CDH11: variants seen among roughly 807,000 people sequenced by gnomAD.
CDH11 encodes cadherin-11.
In CDH11, 11 loss-of-function variants were observed where a neutral mutation model predicts 67.8. The ratio of observed to expected loss-of-function variants is 0.16; its 90% confidence interval spans 0.10 to 0.27. The LOEUF (loss-of-function observed/expected upper bound fraction) is 0.27. Ranked by LOEUF, CDH11 falls within the 10% of genes least tolerant of loss-of-function variation. CDH11 has a pLI of 1.00. For synonymous variants in CDH11, 419 were observed against 400.0 expected (o/e 1.05, Z -0.57); for missense variants, 847 against 1,031.2 (o/e 0.82, Z 2.45).
Position 64,947,632 on chromosome 16 carries a change from A to G in CDH11, c.2362T>C (p.Ser788Pro). Reference sequence around the variant, plus strand: ...GAATCGTCATCAAAAGTGTCTTTGGAACCATACAAATCTGCTAGTTTCTTA... The same window carrying G: ...GAATCGTCATCAAAAGTGTCTTTGGGACCATACAAATCTGCTAGTTTCTTA... ...RFKKLADLYG[S>P]KDTFDDDS The change falls in exon 13 of 13, where the codon TCC becomes CCC. Residue 788 changes from serine to proline, a missense_variant. Transcript: ENST00000268603. The G allele has an allele frequency of 3.7e-6, 6 of 1,613,574 alleles. No homozygotes were observed. Among genetic ancestry groups the G allele is most frequent in the Non-Finnish European group, 5.1e-6 (6 of 1,179,574 alleles).
chr16:65,049,734 T>A (rs1490198378), intron 2 of CDH11, among the ~76,000 whole-genome samples: 1 of 152,158 alleles, frequency 6.6e-6, no homozygotes, highest in East Asian at 1.9e-4. Context: ...GTGATGACAG[T>A]CACATTGTAC....
chr16:65,098,228 T>TA (rs2074932719), intron 1 of CDH11, among the ~76,000 whole-genome samples: 1 of 152,190 alleles, frequency 6.6e-6, no homozygotes, highest in Admixed American at 6.5e-5. Context: ...AACCTCATAT[T>TA]GCTACCACAT....
At chr16:65,071,172 A>G (rs993743010) in intron 1 of CDH11, among the ~76,000 whole-genome samples, 3 of 152,192 alleles carry the variant, frequency 2.0e-5, no homozygotes, top group African/African-American at 7.2e-5. Flanking sequence ...CTCAAGAGAA[A>G]GTGGTCCCAG....
chr16:64,989,450 G>C (rs1597060120), intron 6 of CDH11, among the ~76,000 whole-genome samples: 1 of 152,268 alleles, frequency 6.6e-6, no homozygotes, highest in East Asian at 1.9e-4. Flanking sequence ...ACATTCTTTA[G>C]AAAAAGGAAT....
Position 64,950,861 on chromosome 16 carries a change from T to G in CDH11, c.1800A>C (p.Ala600=). Residue 600 remains alanine, a synonymous_variant, in exon 12 of 13, where the codon GCA becomes GCC. Transcript: ENST00000268603. Reference sequence around the variant, plus strand: ...AGGCCTCTGCGTTGCAGGAGAGCAGTGCCCCGTTCACGTCGCACCCGCAGA... The same window carrying G: ...AGGCCTCTGCGTTGCAGGAGAGCAGGGCCCCGTTCACGTCGCACCCGCAGA... The part of the protein sequence containing the change: ...IKVCGCDVNG[A]LLSCNAEAYI... 6.2e-7 allele frequency: 1 copy of G among 1,614,206 alleles called. No individual in the cohort carries two copies. The highest frequency in any genetic ancestry group is 8.5e-7 in the Non-Finnish European group (1 of 1,180,034).
chr16:65,019,592 G>C (rs1043601672), intron 2 of CDH11, among the ~76,000 whole-genome samples: 1 of 151,840 alleles, frequency 6.6e-6, no homozygotes, highest in African/African-American at 2.4e-5. Context: ...AGTTTAATTC[G>C]TTTGACCATA....
chr16:65,005,568 G>T (rs2142531512), intron 2 of CDH11, among the ~76,000 whole-genome samples: 1 of 152,296 alleles, frequency 6.6e-6, no homozygotes, highest in East Asian at 1.9e-4. Flanking sequence ...AACGAAGAAG[G>T]CGGGCAGGCA....
intron 1 of CDH11, among the ~76,000 whole-genome samples, chr16:65,064,441 G>C (rs2074281824): frequency 6.6e-6 from 1 of 152,170 alleles, no homozygotes; most frequent in Admixed American, 6.5e-5. Context: ...TACCATCAGG[G>C]TTCTGTTACA....
At chr16:64,988,538 G>T (rs1051416010) in intron 6 of CDH11, among the ~76,000 whole-genome samples, 194 bp from the exon 7 acceptor site, 2 of 152,148 alleles carry the variant, frequency 1.3e-5, no homozygotes, top group Non-Finnish European at 2.9e-5. Context: ...TGTGTTCTAC[G>T]AAGGGTGATA....
chr16:65,025,236 AT>A (rs2073508337), intron 2 of CDH11, among the ~76,000 whole-genome samples: 1 of 152,206 alleles, frequency 6.6e-6, no homozygotes, highest in African/African-American at 2.4e-5. Flanking sequence ...GAGATAACAA[AT>A]GGGGAAACCC....
chr16:64,947,750 C>T lies in CDH11; in HGVS notation c.2244G>A (p.Arg748=). 1 of 1,614,176 alleles carries T rather than the reference C, an allele frequency of 6.2e-7. No individual in the cohort carries two copies. ...DSIQIYGYEG[R]GSVAGSLSSL... ...AGCTCAGGGACCCGGCCACTGAGCC[C>T]CTGCCTTCATAACCGTAGATTTGAA... Residue 748 remains arginine (R), a synonymous_variant, in exon 13 of 13, where the codon AGG becomes AGA. Coordinates refer to ENST00000268603, the MANE Select transcript of CDH11 (RefSeq NM_001797.4).
chr16:65,116,336 G>C (rs953644639), intron 1 of CDH11, among the ~76,000 whole-genome samples: 5 of 152,294 alleles, frequency 3.3e-5, no homozygotes, highest in African/African-American at 1.2e-4. Context: ...GCTGAAATGA[G>C]ATCTCTACGT....
At chr16:65,123,017 T>C (rs1364073195), upstream of CDH11, among the ~76,000 whole-genome samples, 2 of 152,206 alleles carry the variant, frequency 1.3e-5, no homozygotes, top group Non-Finnish European at 2.9e-5. Flanking sequence ...CTTCCTCCGC[T>C]GTTCCCCTCA....
At chr16:64,948,881 A>G in intron 12 of CDH11, 1 of 886,602 alleles carries the variant, frequency 1.1e-6, no homozygotes, top group Non-Finnish European at 1.7e-6. Context: ...CTTCTACAAT[A>G]TTCCATTAGA....
At chr16:65,044,053 T>A (rs142747576) in intron 2 of CDH11, among the ~76,000 whole-genome samples, 21 of 152,194 alleles carry the variant, frequency 1.4e-4, no homozygotes, top group African/African-American at 4.8e-4. Context: ...GAGGAGAGGA[T>A]CTTGTCCCTT....
chr16:65,065,143 C>G (rs1049743287), intron 1 of CDH11, among the ~76,000 whole-genome samples: 1 of 152,156 alleles, frequency 6.6e-6, no homozygotes, highest in Non-Finnish European at 1.5e-5. Context: ...AATGCCAGTT[C>G]CGACATGGTG....
intron 6 of CDH11, among the ~76,000 whole-genome samples, chr16:64,990,997 T>C (rs2072615918): frequency 6.6e-6 from 1 of 152,170 alleles, no homozygotes; most frequent in African/African-American, 2.4e-5. Context: ...AGGTCTTCCA[T>C]TGAAAGGTGG....
At chr16:65,051,162 T>C (rs552888251) in intron 2 of CDH11, among the ~76,000 whole-genome samples, 2 of 152,270 alleles carry the variant, frequency 1.3e-5, no homozygotes, top group Non-Finnish European at 2.9e-5. Flanking sequence ...GCTTCTAGGA[T>C]AAGCGTTTTC....
chr16:64,948,342 T>C (rs2071249724), intron 12 of CDH11, among the ~76,000 whole-genome samples: 1 of 152,150 alleles, frequency 6.6e-6, no homozygotes, highest in Non-Finnish European at 1.5e-5. Context: ...TTGGGACAAT[T>C]TTGAACTTTT....
Sources: allele counts gnomAD v4.1 joint callset (sites outside exome capture counted in the v4.1 genomes callset), GRCh38; gene constraint gnomAD v4.1.1; transcripts MANE v1.5; gene names NCBI Gene and HGNC (gene_info 2026-07-23, HGNC 2026-07-21).